GPC4: variants seen among roughly 807,000 people sequenced by gnomAD.
GPC4 encodes glypican-4.
GPC4 carries 10 observed loss-of-function variants against 35.0 expected under a neutral mutation model. That is an observed-to-expected ratio of 0.29 (90% confidence interval 0.18 to 0.48). The LOEUF is 0.48. Ranked by LOEUF, GPC4 falls within the 20% of genes least tolerant of loss-of-function variation. The probability of loss-of-function intolerance (pLI) is 0.99; values close to 1 mark genes in which losing one functional copy is unlikely to be tolerated. For synonymous variants in GPC4, 167 were observed against 170.2 expected (o/e 0.98, Z 0.15); for missense variants, 322 against 451.3 (o/e 0.71, Z 2.60).
chrX:133,403,384 T>G (rs1252522115), intron 1 of GPC4, among the ~76,000 whole-genome samples: 2 of 110,832 alleles, frequency 1.8e-5, no homozygotes, highest in African/African-American at 3.3e-5. Flanking sequence ...CTCACCGTAA[T>G]TTCATGTGGC....
chrX:133,304,053 G>C (rs1010403445), intron 7 of GPC4, among the ~76,000 whole-genome samples: 3 of 109,249 alleles, frequency 2.7e-5, no homozygotes, highest in Non-Finnish European at 3.8e-5. Flanking sequence ...CAGCACTTTG[G>C]GAGGCTGAGG....
chrX:133,398,916 C>A (rs1348897742), intron 1 of GPC4, among the ~76,000 whole-genome samples: 2 of 111,673 alleles, frequency 1.8e-5, no homozygotes, highest in African/African-American at 6.5e-5. Flanking sequence ...GTTTTGATAA[C>A]TGCTAAGACT....
chrX:133,372,141 G>A (rs1237236549), intron 1 of GPC4, among the ~76,000 whole-genome samples: 4 of 107,171 alleles, frequency 3.7e-5, no homozygotes, highest in Non-Finnish European at 5.8e-5. Flanking sequence ...GCTGAGGATC[G>A]CTTGAACCTG....
At chrX:133,383,234 C>A (rs1330045479) in intron 1 of GPC4, among the ~76,000 whole-genome samples, 2 of 111,280 alleles carry the variant, frequency 1.8e-5, no homozygotes, top group Non-Finnish European at 3.8e-5. Context: ...AACTATCAAG[C>A]CAAGAAAAGA....
Position 133,366,954 on chromosome X carries a change from A to C in GPC4, c.161-27613T>G, listed in dbSNP as rs2068592330. Reference sequence around the variant, plus strand: ...TATAGGGTGTAACCTTTGTAACTTCACTTCAGCCTCTGATTGCCAGCCACT... The same window carrying C: ...TATAGGGTGTAACCTTTGTAACTTCCCTTCAGCCTCTGATTGCCAGCCACT... On this transcript the variant is annotated intron_variant, in intron 1 of 8. Transcript: ENST00000370828. 2.7e-5 allele frequency among the ~76,000 whole-genome samples: 3 copies of C among 111,432 alleles called. No homozygotes were observed. The Admixed American group carries it at 2.9e-4, about 11-fold the overall frequency.
intron 1 of GPC4, among the ~76,000 whole-genome samples, chrX:133,360,841 C>T (rs2068564205): frequency 1.8e-5 from 2 of 111,753 alleles, no homozygotes; most frequent in South Asian, 7.5e-4. Context: ...TCAAAGAGCC[C>T]TAAGGACATT....
At chrX:133,336,098 T>C (rs910496065) in intron 2 of GPC4, among the ~76,000 whole-genome samples, 2 of 112,046 alleles carry the variant, frequency 1.8e-5, no homozygotes, top group African/African-American at 6.5e-5. Flanking sequence ...TTAGCTATTA[T>C]AATAGTTTGG....
chrX:133,323,831 T>C (rs1464509698), intron 3 of GPC4, among the ~76,000 whole-genome samples: 3 of 111,988 alleles, frequency 2.7e-5, no homozygotes, highest in Non-Finnish European at 1.9e-5. Flanking sequence ...AGAGCTAAAA[T>C]GGGTATGGCA....
At chrX:133,395,049 C>A (rs973491080) in intron 1 of GPC4, among the ~76,000 whole-genome samples, 4 of 111,405 alleles carry the variant, frequency 3.6e-5, no homozygotes, top group Non-Finnish European at 5.6e-5. Flanking sequence ...TCCTATTTTA[C>A]CCCCAGCTAC....
chrX:133,364,558 C>T (rs1004464303), intron 1 of GPC4, among the ~76,000 whole-genome samples: 4 of 112,306 alleles, frequency 3.6e-5, no homozygotes, highest in African/African-American at 1.3e-4. Context: ...AATAAGAAAA[C>T]ACACTTAAAT....
At chrX:133,394,920 C>T (rs2068735847) in intron 1 of GPC4, among the ~76,000 whole-genome samples, 1 of 111,706 alleles carries the variant, frequency 9.0e-6, no homozygotes. Flanking sequence ...GTGTCATTTA[C>T]GTAACAGCCT....
chrX:133,330,188 G>T (rs759875433), intron 2 of GPC4, among the ~76,000 whole-genome samples: 3 of 110,964 alleles, frequency 2.7e-5, no homozygotes, highest in Non-Finnish European at 5.7e-5. Flanking sequence ...TACATATAAG[G>T]ATTGATTTTT....
rs1471094082 is a variant in GPC4, at chrX:133,415,252, G to A, written c.-287C>T. 1 of 285,471 alleles carries A rather than the reference G, an allele frequency of 3.5e-6. No individual in the cohort carries two copies. The allele number at this position is 285,471 out of a possible 1,213,427, so 23.5% of individuals were successfully genotyped here. The stretch of plus-strand genomic sequence containing the variant: ...AGCAGAGGCGCGGGCTGGTGACCTC[G>A]GGGTTTCGCGGGGCAGCGAACCCGG... On this transcript the variant is annotated 5_prime_UTR_variant, in exon 1 of 9. Transcript: ENST00000370828.
In GPC4 at chrX:133,342,598, G is replaced by A. The variant is rs149132135; in HGVS notation, c.161-3257C>T. Among the ~76,000 whole-genome samples, 797 of 111,282 alleles carry A rather than the reference G, an allele frequency of 7.2e-3. 10 individuals are homozygous for A. Among genetic ancestry groups the A allele is most frequent in the Admixed American group, 0.041 (430 of 10,480 alleles). On this transcript the variant is annotated intron_variant, in intron 1 of 8. Coordinates refer to ENST00000370828, the MANE Select transcript of GPC4 (RefSeq NM_001448.3). ...CTTGAAAATGTAATTTGACATTCTT[G>A]CCAAAAGCCCTGTGACACACGTAGT...
chrX:133,413,808 C>T (rs773253513), intron 1 of GPC4, among the ~76,000 whole-genome samples: 169 of 112,037 alleles, frequency 1.5e-3, no homozygotes, highest in African/African-American at 5.2e-3. Context: ...GGGACCCGGC[C>T]GGACACCGCC....
intron 1 of GPC4, among the ~76,000 whole-genome samples, chrX:133,353,126 C>T (rs2068524065): frequency 9.0e-6 from 1 of 111,574 alleles, no homozygotes; most frequent in African/African-American, 3.3e-5. Flanking sequence ...ATACCAGGGC[C>T]CTCTTAGGCA....
chrX:133,306,691 G>C (rs2068292682), intron 4 of GPC4, among the ~76,000 whole-genome samples: 1 of 112,229 alleles, frequency 8.9e-6, no homozygotes, highest in Non-Finnish European at 1.9e-5. Context: ...AGGGTTCCTA[G>C]GAATTCTAAT....
intron 2 of GPC4, among the ~76,000 whole-genome samples, chrX:133,337,996 C>T (rs775139294): frequency 6.4e-5 from 7 of 109,481 alleles, no homozygotes; most frequent in South Asian, 4.0e-4. Flanking sequence ...GTAGGATCAA[C>T]GGCATACTAC....
Position 133,307,697 on chromosome X carries a change from C to T in GPC4, c.878-1543G>A, listed in dbSNP as rs2068296809. Among the ~76,000 whole-genome samples, 5 of 111,928 alleles carry T rather than the reference C, an allele frequency of 4.5e-5. No individual in the cohort carries two copies. The South Asian group carries it at 1.9e-3, about 42-fold the overall frequency. Reference sequence around the variant, plus strand: ...TCAGGGCTGCCACGTACAGAAAGCACATTCCTTCGTAAGCTGAGAAGAAAT... The same window carrying T: ...TCAGGGCTGCCACGTACAGAAAGCATATTCCTTCGTAAGCTGAGAAGAAAT... On this transcript the variant is annotated intron_variant, in intron 4 of 8. Coordinates refer to ENST00000370828, the MANE Select transcript of GPC4 (RefSeq NM_001448.3).
Sources: allele counts gnomAD v4.1 joint callset (sites outside exome capture counted in the v4.1 genomes callset), GRCh38; gene constraint gnomAD v4.1.1; transcripts MANE v1.5; gene names NCBI Gene and HGNC (gene_info 2026-07-23, HGNC 2026-07-21).